SYNE1: variants seen among roughly 807,000 people sequenced by gnomAD.
The protein encoded by SYNE1 is spectrin repeat containing nuclear envelope protein 1.
A neutral mutation model predicts 1,111.0 loss-of-function variants in SYNE1; 616 were observed. That is an observed-to-expected ratio of 0.55 (90% CI 0.52 to 0.59). The LOEUF (loss-of-function observed/expected upper bound fraction) is 0.59, where lower values mean the gene tolerates loss of function less well. Among genes scored for constraint, SYNE1 ranks in the 20% least tolerant of loss-of-function variants. SYNE1 has a pLI of 0.00. For synonymous variants in SYNE1, 3,855 were observed against 3,825.8 expected, an observed-to-expected ratio of 1.01 and a Z score of -0.28; for missense variants, 10,006 against 10,417.0, an observed-to-expected ratio of 0.96 and a Z score of 1.72.
intron 132 of SYNE1, 32 bp downstream of exon 132, chr6:152,155,878 T>A (rs1241524617): frequency 1.5e-5 from 24 of 1,612,638 alleles, no homozygotes; most frequent in Non-Finnish European, 1.9e-5. Flanking sequence ...TGGTCTTTCC[T>A]CTTCCCTATC....
chr6:152,465,859 T>C (rs1300429952), intron 17 of SYNE1, 123 bp downstream of exon 17: 1 of 727,492 alleles, frequency 1.4e-6, no homozygotes. Flanking sequence ...TGTGTTCTCC[T>C]GGCCAATGGC....
chr6:152,361,625 A>G (rs1470303693), intron 64 of SYNE1, among the ~76,000 whole-genome samples: 2 of 152,192 alleles, frequency 1.3e-5, no homozygotes, highest in African/African-American at 4.8e-5. Context: ...TGTTTAGGAT[A>G]ATGGTAAGGG....
chr6:152,343,242 T>G (rs1001562776), intron 74 of SYNE1, among the ~76,000 whole-genome samples: 2 of 150,616 alleles, frequency 1.3e-5, no homozygotes, highest in Non-Finnish European at 1.5e-5. Context: ...AACCTCCGCC[T>G]CCACCTCCCA....
intron 130 of SYNE1, among the ~76,000 whole-genome samples, chr6:152,169,561 CAAAAAA>C (rs371955068): frequency 1.7e-4 from 3 of 18,090 alleles, no homozygotes; most frequent in African/African-American, 5.1e-4. Flanking sequence ...GACTCCATCT[CAAAAAA>C]AAAAAAAAAA....
intron 96 of SYNE1, among the ~76,000 whole-genome samples, chr6:152,283,131 G>A (rs988840220): frequency 5.9e-5 from 9 of 152,184 alleles, no homozygotes; most frequent in African/African-American, 1.4e-4. Flanking sequence ...AAGAATTTAC[G>A]AGAGAACAAA....
At chr6:152,153,957 A>C (rs1391166877) in intron 133 of SYNE1, among the ~76,000 whole-genome samples, 1 of 152,180 alleles carries the variant, frequency 6.6e-6, no homozygotes, top group African/African-American at 2.4e-5. Flanking sequence ...TGGTTACCTG[A>C]TGTTGCAAGG....
In SYNE1 at chr6:152,189,397, T is replaced by A; in HGVS notation, c.23156A>T (p.Asn7719Ile). 6.2e-7 allele frequency: 1 copy of A among 1,614,074 alleles called. No homozygotes were observed. Among genetic ancestry groups the A allele is most frequent in the Non-Finnish European group, 8.5e-7 (1 of 1,179,982 alleles). The change falls in exon 128 of 146, where the codon AAT (asparagine) becomes ATT (isoleucine). Residue 7719 changes from asparagine (N) to isoleucine (I), a missense_variant. By Grantham distance (149) the Asn-to-Ile change is moderately radical (BLOSUM62 -3). Around this residue, in one of 7 missense-constraint regions of SYNE1, gnomAD observed 2,182 missense variants for 2,287.8 expected, o/e 0.95. Transcript: ENST00000367255. Reference protein sequence around the residue: ...AEQMRCKELENAVGSWTDDLT... With the variant: ...AEQMRCKELEIAVGSWTDDLT... ...GTCATCTGTCCAGCTCCCAACTGCA[T>A]TTTCTAATTCCTAAATAAAAAAACA...
chr6:152,369,886 G>A (rs551151612), intron 59 of SYNE1, among the ~76,000 whole-genome samples: 71 of 149,880 alleles, frequency 4.7e-4, no homozygotes, highest in African/African-American at 1.7e-3. Flanking sequence ...AGGAGTCTGA[G>A]GTAGGAGAAT....
chr6:152,441,981 C>T lies in SYNE1; in HGVS notation c.4008+94G>A, dbSNP rs192574560. ...TAACACAGGGCTGAAACATCAGAGG[C>T]GGTAACAAAGGTTCGCCTTGGTGTT... On this transcript the variant is annotated intron_variant, in intron 31 of 145. Transcript: ENST00000367255. 408 of 1,415,014 alleles carry T rather than the reference C, an allele frequency of 2.9e-4. 2 individuals are homozygous for T. In the African/African-American group the frequency reaches 4.2e-3, roughly 15 times the overall value. 87.7% of individuals were successfully genotyped at this position (1,415,014 alleles called of 1,614,324 possible). A position where few individuals can be genotyped will look rare whatever the true frequency, so the allele number is the denominator to read the frequency against.
At chr6:152,373,951 A>G (rs1054837333) in intron 58 of SYNE1, among the ~76,000 whole-genome samples, 1 of 152,338 alleles carries the variant, frequency 6.6e-6, no homozygotes, top group Middle Eastern at 3.4e-3. Flanking sequence ...AGACTCGCAG[A>G]GCCTACTGGA....
intron 121 of SYNE1, among the ~76,000 whole-genome samples, chr6:152,217,913 A>C (rs1395404869): frequency 1.3e-5 from 2 of 152,070 alleles, no homozygotes; most frequent in African/African-American, 2.4e-5. Context: ...ATCAGCTTTG[A>C]GTTTCACTTA....
intron 4 of SYNE1, among the ~76,000 whole-genome samples, chr6:152,534,924 T>C (rs368083961): frequency 9.2e-5 from 14 of 152,380 alleles, no homozygotes; most frequent in African/African-American, 3.4e-4. Flanking sequence ...TAAAAGACTG[T>C]ATGCATCTAA....
intron 59 of SYNE1, among the ~76,000 whole-genome samples, chr6:152,371,895 AAGG>A (rs2097192765): frequency 9.0e-6 from 1 of 111,450 alleles, no homozygotes; most frequent in Non-Finnish European, 1.8e-5. Context: ...AAGGAAAGGA[AAGG>A]AAAGGAAAGG....
At chr6:152,426,804 C>A (rs1411184192) in intron 38 of SYNE1, among the ~76,000 whole-genome samples, 1 of 152,118 alleles carries the variant, frequency 6.6e-6, no homozygotes, top group Non-Finnish European at 1.5e-5. Context: ...GGCAGGAGAA[C>A]CAGAAGAATG....
Position 152,219,064 on chromosome 6 carries a change from G to GA in SYNE1, c.21982dup (p.Ser7328PhefsTer26). 1.2e-6 allele frequency: 2 copies of GA among 1,614,192 alleles called. No individual in the cohort carries two copies. The highest frequency in any genetic ancestry group is 1.7e-6 in the Non-Finnish European group (2 of 1,180,026). On this transcript the variant is annotated frameshift_variant, in exon 120 of 146. Coordinates refer to ENST00000367255, the MANE Select transcript of SYNE1 (RefSeq NM_182961.4). LOFTEE classifies it high-confidence loss of function. The stretch of plus-strand genomic sequence containing the variant: ...CAGGGCACACAAGTGTTGACTCAAA[G>GA]AGAGTTGATCCGATTGAATAGCTGA...
At chr6:152,171,974 G>A (rs555415803) in intron 130 of SYNE1, among the ~76,000 whole-genome samples, 8 of 152,224 alleles carry the variant, frequency 5.3e-5, no homozygotes, top group East Asian at 1.9e-4. Context: ...TATAGTAGGC[G>A]TTCAATCATT....
chr6:152,624,520 A>C (rs1448739291), intron 3 of SYNE1, among the ~76,000 whole-genome samples: 1 of 152,172 alleles, frequency 6.6e-6, no homozygotes, highest in Non-Finnish European at 1.5e-5. Flanking sequence ...TGTTAAATGG[A>C]TCCCCTTTAG....
chr6:152,149,515 G>C lies in SYNE1; in HGVS notation c.24604C>G (p.Arg8202Gly). Residue 8202 changes from arginine (R) to glycine (G), a missense_variant, in exon 136 of 146, where the codon CGT (arginine) becomes GGT (glycine). Around this residue, in one of 7 missense-constraint regions of SYNE1, gnomAD observed 761 missense variants for 795.5 expected, o/e 0.96. Coordinates refer to ENST00000367255, the MANE Select transcript of SYNE1 (RefSeq NM_182961.4). ...AGTTTCTTATGGTATCTTTCCACAC[G>C]CCCGAAGACCTCCTGGCAGTACCGT... The part of the protein sequence containing the change: ...LRRYCQEVFG[R>G]VERYHKKLIR... The C allele has an allele frequency of 6.2e-7, 1 of 1,614,030 alleles. No homozygotes were observed. Among genetic ancestry groups the C allele is most frequent in the Non-Finnish European group, 8.5e-7 (1 of 1,180,024 alleles).
In SYNE1 at chr6:152,403,234, C is replaced by T. The variant is rs149571040; in HGVS notation, c.6825+979G>A. Among the ~76,000 whole-genome samples the T allele has an allele frequency of 2.1e-4, 32 of 152,320 alleles. No homozygotes were observed. In the East Asian group the frequency reaches 6.2e-3, roughly 29 times the overall value. ...CAAAAGAGACCCACCATGCTGGATG[C>T]TTCCAGGGCTTGGGCACTGAAGTAG... is the stretch of plus-strand genomic sequence containing the variant. On this transcript the variant is annotated intron_variant, in intron 46 of 145. Transcript: ENST00000367255.
Sources: gnomAD v4.1 joint callset for allele counts (sites outside exome capture counted in the v4.1 genomes callset) on GRCh38, gnomAD v4.1.1 for gene constraint, gnomAD v4.1.1 regional missense constraint, MANE v1.5 for transcripts, NCBI Gene and HGNC (gene_info 2026-07-23, HGNC 2026-07-21) for gene names.